SLC9A4: variants seen among roughly 807,000 people sequenced by gnomAD.
SLC9A4 encodes the protein solute carrier family 9 member A4.
A neutral mutation model predicts 67.4 loss-of-function variants in SLC9A4; 63 were observed. The ratio of observed to expected loss-of-function variants is 0.93; its 90% confidence interval spans 0.76 to 1.15. The LOEUF is 1.15. Ranked by LOEUF, SLC9A4 falls within the 50% of genes most tolerant of loss-of-function variation. SLC9A4 has a pLI of 0.00. For synonymous variants in SLC9A4, 393 were observed against 367.2 expected (o/e 1.07, Z -0.80); for missense variants, 1,089 against 987.7 (o/e 1.10, Z -1.38).
intron 2 of SLC9A4, among the ~76,000 whole-genome samples, chr2:102,490,983 C>G (rs62151905): frequency 6.6e-6 from 1 of 152,148 alleles, no homozygotes; most frequent in Non-Finnish European, 1.5e-5. Context: ...TCTGGAGGGT[C>G]TCACCTCAGC....
At chr2:102,502,889 C>T (rs528789464) in intron 2 of SLC9A4, among the ~76,000 whole-genome samples, 1 of 152,330 alleles carries the variant, frequency 6.6e-6, no homozygotes, top group South Asian at 2.1e-4. Flanking sequence ...GGGCTTTTTG[C>T]AGACAGGTTA....
intron 2 of SLC9A4, among the ~76,000 whole-genome samples, chr2:102,480,590 G>A (rs1216093614): frequency 2.0e-5 from 3 of 152,154 alleles, no homozygotes; most frequent in Non-Finnish European, 2.9e-5. Context: ...ATGTTGAAAT[G>A]CATATTGAAT....
At chr2:102,508,706 G>T in intron 5 of SLC9A4, 141 bp from the exon 6 acceptor site, 1 of 609,824 alleles carries the variant, frequency 1.6e-6, no homozygotes, top group Non-Finnish European at 2.8e-6. Context: ...AAACTGAAAT[G>T]AACATTGCAG....
intron 2 of SLC9A4, among the ~76,000 whole-genome samples, chr2:102,497,134 T>C (rs540960377): frequency 6.6e-6 from 1 of 152,340 alleles, no homozygotes; most frequent in African/African-American, 2.4e-5. Context: ...GGTTTCACCA[T>C]GTAAGCCAGG....
At chr2:102,475,423 T>C (rs1045733023) in intron 1 of SLC9A4, among the ~76,000 whole-genome samples, 3 of 152,250 alleles carry the variant, frequency 2.0e-5, no homozygotes, top group Admixed American at 6.5e-5. Context: ...TGTCACTGAC[T>C]AGCTAGTTGC....
rs746979386 is a variant in SLC9A4 at position 102,479,179 on chromosome 2, C to G, written c.597C>G (p.Phe199Leu). The G allele has an allele frequency of 1.2e-6, 2 of 1,614,118 alleles. No homozygotes were observed. Among genetic ancestry groups the G allele is most frequent in the South Asian group, 1.1e-5 (1 of 91,064 alleles). ...TCAACCTGCTGCAGAACCTGCTGTT[C>G]GGCAGCCTGATCTCCGCCGTGGACC... ...GDVNLLQNLLFGSLISAVDPV... is the reference protein window; with the variant it reads ...GDVNLLQNLLLGSLISAVDPV... Residue 199 changes from phenylalanine (F) to leucine (L), a missense_variant, in exon 2 of 12, where the codon TTC becomes TTG. Coordinates refer to ENST00000295269, the MANE Select transcript of SLC9A4 (RefSeq NM_001011552.4).
chr2:102,532,209 T>C, intron 11 of SLC9A4, 121 bp from the exon 12 acceptor site: 3 of 1,106,292 alleles, frequency 2.7e-6, no homozygotes, highest in Non-Finnish European at 3.9e-6. Context: ...GAAAGTTGAG[T>C]GTAGAGCTGA....
intron 2 of SLC9A4, among the ~76,000 whole-genome samples, chr2:102,483,904 CAT>C (rs538676313): frequency 2.1e-3 from 306 of 146,544 alleles, no homozygotes; most frequent in African/African-American, 7.3e-3. Context: ...AAAAATATCT[CAT>C]ATATATTTAT....
At chr2:102,476,044 C>T (rs1468789) in intron 1 of SLC9A4, among the ~76,000 whole-genome samples, 30,503 of 152,152 alleles carry the variant, frequency 0.2, 3,378 homozygotes, top group South Asian at 0.25. Flanking sequence ...CCTCAAGGGA[C>T]TTGGTCTAAC....
intron 2 of SLC9A4, among the ~76,000 whole-genome samples, chr2:102,483,123 A>G (rs1042040188): frequency 6.6e-6 from 1 of 152,126 alleles, no homozygotes; most frequent in Non-Finnish European, 1.5e-5. Flanking sequence ...AAGCTACCGG[A>G]GTATCTGCTG....
intron 8 of SLC9A4, among the ~76,000 whole-genome samples, chr2:102,514,774 T>C (rs1353198762): frequency 6.6e-6 from 1 of 152,150 alleles, no homozygotes; most frequent in Non-Finnish European, 1.5e-5. Context: ...AAGGCGAAGG[T>C]CTACATGAGA....
chr2:102,486,378 C>T (rs182343202), intron 2 of SLC9A4, among the ~76,000 whole-genome samples: 6 of 152,330 alleles, frequency 3.9e-5, no homozygotes, highest in Admixed American at 2.6e-4. Flanking sequence ...TGCATGAGTA[C>T]GTCTGAGCCA....
In SLC9A4 at chr2:102,505,416, GA is replaced by G; in HGVS notation, c.1145del (p.Asn382ThrfsTer76). ...CCACTGTGGGCAAGAATCACGAGTG[GA>G]ACTGGGCCTTCATCTGCTTCACCCT... Reference protein sequence around the residue: ...VSTVGKNHEWNWAFICFTLAF... With the variant: ...VSTVGKNHEWXWAFICFTLAF... On this transcript the variant is annotated frameshift_variant, in exon 4 of 12. Transcript: ENST00000295269. LOFTEE classifies it high-confidence loss of function. 1 of 1,614,200 alleles carries G rather than the reference GA, an allele frequency of 6.2e-7. No homozygotes were observed.
chr2:102,508,224 G>T lies in SLC9A4; in HGVS notation c.1344G>T (p.Arg448Ser), dbSNP rs775791088. 1.9e-6 allele frequency: 3 copies of T among 1,613,948 alleles called. No homozygotes were observed. Among genetic ancestry groups the T allele is most frequent in the African/African-American group, 1.3e-5 (1 of 74,874 alleles). ...TGCTTCCTCTGTCTCTTTTTCCTAG[G>T]AAGAAAATGTTTGTCACTGCTACTC... ...AFLLPLSLFP[R>S]KKMFVTATLV... The change falls in exon 5 of 12, where the codon AGG (arginine) becomes AGT (serine). Residue 448 changes from arginine (R) to serine (S), a missense_variant. Arg to Ser is a moderately radical substitution (Grantham distance 110). Transcript: ENST00000295269.
intron 11 of SLC9A4, among the ~76,000 whole-genome samples, chr2:102,528,232 T>A (rs1199087718): frequency 6.6e-6 from 1 of 152,128 alleles, no homozygotes; most frequent in Non-Finnish European, 1.5e-5. Flanking sequence ...AGTCTTGAAC[T>A]CCTGACCTCA....
intron 2 of SLC9A4, among the ~76,000 whole-genome samples, chr2:102,481,098 G>C (rs2104414791): frequency 6.6e-6 from 1 of 152,278 alleles, no homozygotes; most frequent in Non-Finnish European, 1.5e-5. Context: ...GGTTTGGCTG[G>C]GGCACCTTAT....
At chr2:102,482,294 G>A (rs1684481425) in intron 2 of SLC9A4, among the ~76,000 whole-genome samples, 1 of 152,142 alleles carries the variant, frequency 6.6e-6, no homozygotes, top group Non-Finnish European at 1.5e-5. Context: ...CTGTCTGGGA[G>A]TTGAACCTAG....
chr2:102,478,088 T>G (rs1276918976), intron 1 of SLC9A4, among the ~76,000 whole-genome samples: 1 of 152,102 alleles, frequency 6.6e-6, no homozygotes, highest in Non-Finnish European at 1.5e-5. Flanking sequence ...GAATCTTAGG[T>G]GGGAATTGAG....
intron 2 of SLC9A4, among the ~76,000 whole-genome samples, chr2:102,498,945 C>T (rs1684865537): frequency 6.6e-6 from 1 of 152,148 alleles, no homozygotes; most frequent in African/African-American, 2.4e-5. Flanking sequence ...AAAGAAACTC[C>T]TGTGAGGGAA....
Sources: allele counts gnomAD v4.1 joint callset (sites outside exome capture counted in the v4.1 genomes callset), GRCh38; gene constraint gnomAD v4.1.1; transcripts MANE v1.5; gene names NCBI Gene and HGNC (gene_info 2026-07-23, HGNC 2026-07-21).